CCDC149: variants seen among roughly 807,000 people sequenced by gnomAD.
CCDC149 encodes the protein coiled-coil domain-containing protein 149.
In CCDC149, 45 loss-of-function variants were observed where a neutral mutation model predicts 59.9. The observed-to-expected ratio is 0.75, with a 90% confidence interval of 0.59 to 0.96. The LOEUF is 0.96. Among genes scored for constraint, CCDC149 ranks in the 40% least tolerant of loss-of-function variants. The pLI is 0.00. For synonymous variants in CCDC149, 245 were observed against 260.6 expected, an observed-to-expected ratio of 0.94 and a Z score of 0.58; for missense variants, 584 against 664.7, an observed-to-expected ratio of 0.88 and a Z score of 1.33.
At chr4:24,902,775 C>A (rs1334825086) in intron 1 of CCDC149, among the ~76,000 whole-genome samples, 1 of 152,068 alleles carries the variant, frequency 6.6e-6, no homozygotes, top group African/African-American at 2.4e-5. Context: ...TGAATCCCAG[C>A]AGTTTGGGAG....
intron 1 of CCDC149, among the ~76,000 whole-genome samples, chr4:24,912,236 CTG>C (rs1721918048): frequency 6.6e-6 from 1 of 152,236 alleles, no homozygotes; most frequent in Non-Finnish European, 1.5e-5. Context: ...ACTTCTGCAC[CTG>C]TGTTTCACTT....
intron 1 of CCDC149, among the ~76,000 whole-genome samples, chr4:24,977,827 G>A (rs190548725): frequency 5.9e-5 from 9 of 152,276 alleles, no homozygotes; most frequent in Admixed American, 2.6e-4. Context: ...TAGTAACAAG[G>A]TATGCTATAA....
In CCDC149 at chr4:24,837,364, C is replaced by T; in HGVS notation, c.526G>A (p.Asp176Asn). The T allele has an allele frequency of 6.2e-7, 1 of 1,614,172 alleles. No homozygotes were observed. The highest frequency in any genetic ancestry group is 8.5e-7 in the Non-Finnish European group (1 of 1,180,016). The change falls in exon 6 of 13, where the codon GAC becomes AAC. Residue 176 changes from aspartate (D) to asparagine (N), a missense_variant. Physicochemically the swap from Asp to Asn is conservative, Grantham distance 23. Coordinates refer to ENST00000635206, the MANE Select transcript of CCDC149 (RefSeq NM_001330643.2). The surrounding 1 kb of genome is among the most constrained non-coding windows in gnomAD (Gnocchi z 4.3). ...TCTTCTTTAACATCCTGAAGCTCGT[C>T]CACAGAAGCCTGCAGGTCGTGCTCC...
At chr4:24,914,654 C>T (rs1577483136), upstream of CCDC149, among the ~76,000 whole-genome samples, 1 of 149,920 alleles carries the variant, frequency 6.7e-6, no homozygotes, top group Admixed American at 6.7e-5. Flanking sequence ...AACCATCCAG[C>T]TGAGCCTTGC....
intron 1 of CCDC149, among the ~76,000 whole-genome samples, chr4:24,897,972 A>C (rs1041401540): frequency 2.0e-5 from 3 of 152,196 alleles, no homozygotes; most frequent in Non-Finnish European, 4.4e-5. Context: ...TAGAAAGCAA[A>C]TTGGAACTGG....
intron 12 of CCDC149, among the ~76,000 whole-genome samples, chr4:24,815,066 A>G (rs551940273): frequency 6.0e-4 from 92 of 152,342 alleles, no homozygotes; most frequent in Middle Eastern, 6.8e-3. Flanking sequence ...ACCTTGTTCC[A>G]TAGTGGGGAC....
At chr4:24,843,609 T>C (rs985734129) in intron 4 of CCDC149, among the ~76,000 whole-genome samples, 2 of 152,140 alleles carry the variant, frequency 1.3e-5, no homozygotes, top group East Asian at 1.9e-4. Flanking sequence ...ACAAAATAAT[T>C]TGTCACTTAA....
At chr4:24,920,976 T>A (rs1033402339) in intron 1 of CCDC149, among the ~76,000 whole-genome samples, 2 of 152,188 alleles carry the variant, frequency 1.3e-5, no homozygotes, top group Non-Finnish European at 2.9e-5. Context: ...CAACAGGTAC[T>A]GAGACCCTGA....
At chr4:24,870,045 A>G (rs1028594740) in intron 3 of CCDC149, among the ~76,000 whole-genome samples, 3 of 152,236 alleles carry the variant, frequency 2.0e-5, no homozygotes, top group African/African-American at 7.2e-5. Flanking sequence ...CACAGAAGGA[A>G]GCTGATACTA....
rs111771915 is a variant in CCDC149, at chr4:24,877,166, GT to G, written c.64-470del. On this transcript the variant is annotated intron_variant, in intron 1 of 12. Coordinates refer to ENST00000635206, the MANE Select transcript of CCDC149 (RefSeq NM_001330643.2). Reference sequence around the variant, plus strand: ...TAAGTTTCCAGAGTAAACCTATATGGTTTTTTGTCTGTTTGTTTGTTTGTTT... The same window carrying G: ...TAAGTTTCCAGAGTAAACCTATATGGTTTTTGTCTGTTTGTTTGTTTGTTT... 9.6e-4 allele frequency among the ~76,000 whole-genome samples: 138 copies of G among 143,470 alleles called. 1 individual carries two copies. The highest frequency in any genetic ancestry group is 3.3e-3 in the African/African-American group (133 of 39,832). The allele number at this position is 143,470 out of a possible 152,430, so 94.1% of individuals were successfully genotyped here. A position where few individuals can be genotyped will look rare whatever the true frequency, so the allele number is the denominator to read the frequency against.
At position 24,837,326 on chromosome 4, in the gene CCDC149, G is replaced by C. The variant is rs1245993357; in HGVS notation, c.564C>G (p.Tyr188Ter). ...GGTTGAGCCTCTCCACTTTGTCCTG[G>C]TAGGAAGACCGTTCTTCTTTAACAT... The change falls in exon 6 of 13, where the codon TAC becomes TAG. Residue 188 changes from tyrosine to a stop codon, truncating the protein, a stop_gained. Coordinates refer to ENST00000635206, the MANE Select transcript of CCDC149 (RefSeq NM_001330643.2). LOFTEE classifies it high-confidence loss of function. This position sits in a 1 kb window ranked among gnomAD's most constrained non-coding sequence, Gnocchi z 4.3. 2 of 1,614,126 alleles carry C rather than the reference G, an allele frequency of 1.2e-6. No individual in the cohort carries two copies. The highest frequency in any genetic ancestry group is 3.3e-5 in the Admixed American group (2 of 60,012).
rs550382986 is a variant in CCDC149 at position 24,962,184 on chromosome 4, C to T, written c.-65+17885G>A. Among the ~76,000 whole-genome samples, 142 of 152,030 alleles carry T rather than the reference C, an allele frequency of 9.3e-4. 2 individuals carry two copies. In the South Asian group the frequency reaches 0.023, roughly 25 times the overall value. ...CAGACACTTCTCAAAAGAAGACATCCATGCAGCCAAAAGACCCATGAAAAA... is the reference window on the plus strand; with the variant it reads ...CAGACACTTCTCAAAAGAAGACATCTATGCAGCCAAAAGACCCATGAAAAA... On this transcript the variant is annotated intron_variant, in intron 1 of 12. Coordinates refer to the CCDC149 transcript ENST00000389609.
intron 1 of CCDC149, among the ~76,000 whole-genome samples, chr4:24,933,045 G>A (rs1339722702): frequency 6.6e-6 from 1 of 152,120 alleles, no homozygotes; most frequent in Admixed American, 6.6e-5. Flanking sequence ...GGGCCAGTGA[G>A]TCAGGCAGGA....
At chr4:24,841,322 T>C (rs1280768282) in intron 4 of CCDC149, among the ~76,000 whole-genome samples, 2 of 152,234 alleles carry the variant, frequency 1.3e-5, no homozygotes, top group Non-Finnish European at 2.9e-5. Context: ...GCACTTAATT[T>C]AGAATTGCAC....
At chr4:24,872,969 CACCCGCAGAATGGT>C (rs1719138760) in intron 3 of CCDC149, among the ~76,000 whole-genome samples, 1 of 79,472 alleles carries the variant, frequency 1.3e-5, no homozygotes, top group Non-Finnish European at 2.9e-5. Context: ...GAATGGTATG[CACCCGCAGAATGGT>C]ATGCACCCAC....
chr4:24,927,349 A>T (rs992420052), intron 1 of CCDC149, among the ~76,000 whole-genome samples: 4 of 152,212 alleles, frequency 2.6e-5, no homozygotes, highest in Admixed American at 2.6e-4. Flanking sequence ...AAAAGTTGAA[A>T]CGTAAGGCAA....
chr4:24,897,768 TG>T (rs888968217), intron 1 of CCDC149, among the ~76,000 whole-genome samples: 2 of 152,042 alleles, frequency 1.3e-5, no homozygotes, highest in East Asian at 3.9e-4. Context: ...AGTTCGGACT[TG>T]GGCACAATAA....
chr4:24,917,253 AACAG>A (rs1285083339), upstream of CCDC149, among the ~76,000 whole-genome samples: 3 of 152,184 alleles, frequency 2.0e-5, no homozygotes, highest in African/African-American at 7.2e-5. Context: ...CCCAGCGGCA[AACAG>A]TCAGCACGAG....
chr4:24,973,375 G>A (rs958073167), intron 1 of CCDC149, among the ~76,000 whole-genome samples: 4 of 152,132 alleles, frequency 2.6e-5, no homozygotes, highest in African/African-American at 7.2e-5. Flanking sequence ...CATGGTGGTG[G>A]TCCCATGGGT....
Sources: allele counts gnomAD v4.1 joint callset (sites outside exome capture counted in the v4.1 genomes callset), GRCh38; gene constraint gnomAD v4.1.1; non-coding constraint Gnocchi (gnomAD v3.1); transcripts MANE v1.5; gene names NCBI Gene and HGNC (gene_info 2026-07-23, HGNC 2026-07-21).